PAM: variants seen among roughly 807,000 people sequenced by gnomAD.
PAM encodes peptidyl-glycine alpha-amidating monooxygenase.
A neutral mutation model predicts 122.1 loss-of-function variants in PAM; 72 were observed. The ratio of observed to expected loss-of-function variants is 0.59; its 90% confidence interval spans 0.49 to 0.72. The LOEUF is 0.72. Among genes scored for constraint, PAM ranks in the 30% least tolerant of loss-of-function variants. PAM has a pLI of 0.00. For missense variants in PAM, 1,106 were observed against 1,183.7 expected (o/e 0.93, Z 0.96); for synonymous variants, 389 against 404.4 (o/e 0.96, Z 0.46).
chr5:103,008,202 A>AAAATG, intron 20 of PAM, among the ~76,000 whole-genome samples: 1 of 152,012 alleles, frequency 6.6e-6, no homozygotes, highest in South Asian at 2.1e-4. Context: ...CTAATAAAAT[A>AAAATG]CATATAACTT....
chr5:102,914,973 G>A (rs970448331), intron 5 of PAM, among the ~76,000 whole-genome samples: 2 of 152,032 alleles, frequency 1.3e-5, no homozygotes, highest in Admixed American at 1.3e-4. Context: ...GGAGGTTCTA[G>A]GAAAAATAAG....
At chr5:102,857,572 T>A (rs1446513283) in intron 1 of PAM, among the ~76,000 whole-genome samples, 1 of 152,156 alleles carries the variant, frequency 6.6e-6, no homozygotes, top group Non-Finnish European at 1.5e-5. Flanking sequence ...TGTTTCCTAG[T>A]ATATGAATGG....
In PAM at chr5:103,009,744, G is replaced by C. The variant is rs1301437110; in HGVS notation, c.2216-7G>C. 2 of 1,497,690 alleles carry C rather than the reference G, an allele frequency of 1.3e-6. No homozygotes were observed. The highest frequency in any genetic ancestry group is 2.3e-5 in the South Asian group (2 of 88,722). The allele number at this position is 1,497,690 out of a possible 1,614,324, so 92.8% of individuals were successfully genotyped here. On this transcript the variant is annotated splice_polypyrimidine_tract_variant and splice_region_variant and intron_variant, in intron 20 of 25. Transcript: ENST00000438793. ...TAAAGAAAGGTTAACTGGATTTGCT[G>C]TTGCAGGCTTGCTCTTTGCAGTGAA... is the stretch of plus-strand genomic sequence containing the variant.
Position 103,029,318 on chromosome 5 carries a change from TTCTAA to T in PAM, c.*259_*263del. The stretch of plus-strand genomic sequence containing the variant: ...AAACCGTCCTCTTTTTCCATCATAA[TTCTAA>T]TCTAACAATGGAAGATTTGCCCATT... On this transcript the variant is annotated 3_prime_UTR_variant, in exon 26 of 26. Transcript: ENST00000438793. 3.0e-6 allele frequency: 1 copy of T among 332,484 alleles called. No homozygotes were observed. Among genetic ancestry groups the T allele is most frequent in the Admixed American group, 4.8e-5 (1 of 20,876 alleles). 20.6% of individuals were successfully genotyped at this position (332,484 alleles called of 1,614,324 possible).
intron 3 of PAM, among the ~76,000 whole-genome samples, chr5:102,870,322 T>A (rs1207347587): frequency 6.6e-6 from 1 of 152,112 alleles, no homozygotes; most frequent in Non-Finnish European, 1.5e-5. Flanking sequence ...CTTGAGATTG[T>A]TAGGTAGGCT....
chr5:102,930,615 A>G (rs1751153625), intron 7 of PAM, among the ~76,000 whole-genome samples: 1 of 152,214 alleles, frequency 6.6e-6, no homozygotes, highest in Admixed American at 6.5e-5. Flanking sequence ...CAAGCCATAA[A>G]GATCCTTGCT....
At chr5:102,959,791 C>A in intron 12 of PAM, 84 bp from the exon 13 acceptor site, 1 of 810,860 alleles carries the variant, frequency 1.2e-6, no homozygotes, top group Non-Finnish European at 2.0e-6. Context: ...CCATTGCTGG[C>A]AGATCTAAGG....
intron 4 of PAM, among the ~76,000 whole-genome samples, chr5:102,912,188 T>C (rs780061119): frequency 6.6e-6 from 1 of 151,938 alleles, no homozygotes; most frequent in Non-Finnish European, 1.5e-5. Flanking sequence ...TATCCACCCA[T>C]AATAAGATCT....
chr5:102,863,511 C>T (rs574514773), intron 1 of PAM, among the ~76,000 whole-genome samples: 1 of 152,014 alleles, frequency 6.6e-6, no homozygotes, highest in South Asian at 2.1e-4. Context: ...CTAAATATAC[C>T]TTATGTTACT....
chr5:102,810,683 T>C (rs32675), intron 1 of PAM, among the ~76,000 whole-genome samples: 152,231 of 152,260 alleles, frequency 1, 76,101 homozygotes, highest in African/African-American at 1. Flanking sequence ...ACAAAATTAG[T>C]CAGGCGTGGT....
Position 102,899,672 on chromosome 5 carries a change from C to T in PAM, c.211-1684C>T, listed in dbSNP as rs572762387. ...ATATATTCAGATCCCAGCTCCTGCA[C>T]TTTTTGGTGTCCAAGATAAATAAGC... On this transcript the variant is annotated intron_variant, in intron 3 of 25. Transcript: ENST00000438793. 5.9e-5 allele frequency among the ~76,000 whole-genome samples: 9 copies of T among 151,828 alleles called. No homozygotes were observed. The South Asian group carries it at 1.9e-3, about 31-fold the overall frequency.
intron 1 of PAM, among the ~76,000 whole-genome samples, chr5:102,854,552 C>A (rs1782133209): frequency 6.6e-6 from 1 of 152,102 alleles, no homozygotes; most frequent in Non-Finnish European, 1.5e-5. Context: ...TCCTGGAAGT[C>A]CACCTCGGAT....
At chr5:102,816,663 G>A (rs1769917999) in intron 1 of PAM, among the ~76,000 whole-genome samples, 1 of 152,044 alleles carries the variant, frequency 6.6e-6, no homozygotes, top group African/African-American at 2.4e-5. Flanking sequence ...CATTCATCTG[G>A]TTTTCCTTCA....
chr5:102,785,079 T>C (rs147808438), intron 1 of PAM, among the ~76,000 whole-genome samples: 147 of 152,374 alleles, frequency 9.6e-4, no homozygotes, highest in African/African-American at 3.4e-3. Flanking sequence ...TTTTATACTT[T>C]AAGTTCTGGG....
chr5:102,921,789 A>G (rs1289981900), intron 5 of PAM, among the ~76,000 whole-genome samples: 2 of 152,162 alleles, frequency 1.3e-5, no homozygotes, highest in Non-Finnish European at 2.9e-5. Context: ...GCTTATCTCC[A>G]CATAATATCA....
At chr5:102,846,726 C>T (rs1056414840) in intron 1 of PAM, among the ~76,000 whole-genome samples, 1 of 152,174 alleles carries the variant, frequency 6.6e-6, no homozygotes, top group Non-Finnish European at 1.5e-5. Flanking sequence ...TCTTATGGCA[C>T]TGCTTGATCT....
chr5:102,824,158 G>A (rs1772882406), intron 1 of PAM, among the ~76,000 whole-genome samples: 2 of 152,150 alleles, frequency 1.3e-5, no homozygotes, highest in African/African-American at 2.4e-5. Flanking sequence ...GCATCTGGAA[G>A]AAGAGCTATT....
At position 102,803,186 on chromosome 5, in the gene PAM, G is replaced by A. The variant is rs201155422; in HGVS notation, c.-374+47838G>A. Among the ~76,000 whole-genome samples the A allele has an allele frequency of 9.5e-3, 143 of 15,062 alleles. 7 individuals are homozygous for A. Among genetic ancestry groups the A allele is most frequent in the African/African-American group, 0.019 (125 of 6,456 alleles). The allele number at this position is 15,062 out of a possible 152,430, so 9.9% of individuals were successfully genotyped here. A position where few individuals can be genotyped will look rare whatever the true frequency, so the allele number is the denominator to read the frequency against. Reference sequence around the variant, plus strand: ...GGAAGGAAGGAAGGAAGGAAGGAAGGAAGGAAGGAAGGAAGGAAGGAAAGA... The same window carrying A: ...GGAAGGAAGGAAGGAAGGAAGGAAGAAAGGAAGGAAGGAAGGAAGGAAAGA... On this transcript the variant is annotated intron_variant, in intron 1 of 25. Transcript: ENST00000438793.
chr5:102,766,948 T>TTTTTTTTTTTTTC, intron 1 of PAM, among the ~76,000 whole-genome samples: 1 of 131,772 alleles, frequency 7.6e-6, no homozygotes, highest in Non-Finnish European at 1.6e-5. Flanking sequence ...TTTTTTTTTT[T>TTTTTTTTTTTTTC]TTTTTTTTTG....
Sources: gnomAD v4.1 joint callset for allele counts (sites outside exome capture counted in the v4.1 genomes callset) on GRCh38, gnomAD v4.1.1 for gene constraint, MANE v1.5 for transcripts, NCBI Gene and HGNC (gene_info 2026-07-23, HGNC 2026-07-21) for gene names.